Variants in LSM12 observed in about 807,000 individuals in gnomAD.
LSM12 encodes the protein LSM12 homolog.
For missense variants in LSM12, 108 were observed against 238.9 expected, an observed-to-expected ratio of 0.45 and a Z score of 3.61; for synonymous variants, 74 against 87.3, an observed-to-expected ratio of 0.85 and a Z score of 0.85.
At position 44,042,917 on chromosome 17, in the gene LSM12, G is replaced by A. The variant is rs550070118; in HGVS notation, c.259-2661C>T. 1.1e-3 allele frequency among the ~76,000 whole-genome samples: 163 copies of A among 151,302 alleles called. 4 individuals are homozygous for A. In the South Asian group the frequency reaches 0.016, roughly 15 times the overall value. On this transcript the variant is annotated intron_variant, in intron 2 of 4. Transcript: ENST00000293406. Reference sequence around the variant, plus strand: ...AGGATTTCACCATGTTGGCCAGGCCGGTCTTGAACTCCTGAGCTCAGGTGA... The same window carrying A: ...AGGATTTCACCATGTTGGCCAGGCCAGTCTTGAACTCCTGAGCTCAGGTGA...
chr17:44,049,109 T>C (rs971599735), intron 2 of LSM12, among the ~76,000 whole-genome samples: 11 of 152,094 alleles, frequency 7.2e-5, no homozygotes, highest in South Asian at 2.1e-4. Flanking sequence ...GACAATCACT[T>C]GAACCCGGGA....
chr17:44,055,596 T>TAAA (rs1196483360), intron 2 of LSM12, among the ~76,000 whole-genome samples: 2 of 149,274 alleles, frequency 1.3e-5, no homozygotes, highest in Non-Finnish European at 3.0e-5. Context: ...AGAATTACTT[T>TAAA]AGCACAGGAG....
At chr17:44,063,481 A>G (rs1274912459) in intron 2 of LSM12, among the ~76,000 whole-genome samples, 1 of 152,106 alleles carries the variant, frequency 6.6e-6, no homozygotes, top group Non-Finnish European at 1.5e-5. Context: ...CAATTTGAAG[A>G]CATTCATAGG....
intron 3 of LSM12, 114 bp from the exon 4 acceptor site, chr17:44,037,652 G>T: frequency 1.6e-6 from 2 of 1,290,126 alleles, no homozygotes; most frequent in Non-Finnish European, 1.0e-6. Flanking sequence ...TCACCACTCA[G>T]CCAACAACTA....
intron 2 of LSM12, among the ~76,000 whole-genome samples, chr17:44,048,431 G>A (rs55814322): frequency 2.9e-3 from 431 of 148,866 alleles, no homozygotes; most frequent in Non-Finnish European, 5.0e-3. Context: ...TCAGTTAGCC[G>A]AGCTTGCACC....
At chr17:44,053,182 G>A (rs899229656) in intron 2 of LSM12, among the ~76,000 whole-genome samples, 13 of 152,084 alleles carry the variant, frequency 8.5e-5, no homozygotes, top group Admixed American at 6.6e-5. Context: ...TCTATACCAA[G>A]GGTTGGCAAA....
rs1446904196 is a variant in LSM12 at position 44,035,684 on chromosome 17, A to AG, written c.*523_*524insC. 2.2e-5 allele frequency: 3 copies of AG among 134,640 alleles called. No individual in the cohort carries two copies. The highest frequency in any genetic ancestry group is 4.8e-5 in the Non-Finnish European group (3 of 62,242). The allele number at this position is 134,640 out of a possible 1,614,324, so 8.3% of individuals were successfully genotyped here. A position where few individuals can be genotyped will look rare whatever the true frequency, so the allele number is the denominator to read the frequency against. ...TTCAAGCCATGCCCTGTGCAAAAAA[A>AG]AAAAAAAAAAGAAAAAAGAAAAAAA... is the stretch of plus-strand genomic sequence containing the variant. On this transcript the variant is annotated 3_prime_UTR_variant, in exon 5 of 5. Coordinates refer to ENST00000293406, the MANE Select transcript of LSM12 (RefSeq NM_001371445.1).
intron 2 of LSM12, among the ~76,000 whole-genome samples, chr17:44,057,615 C>G (rs1311087504): frequency 2.6e-5 from 4 of 150,994 alleles, no homozygotes; most frequent in African/African-American, 9.7e-5. Context: ...CAAAAATTAG[C>G]CAGCTGTGGT....
intron 2 of LSM12, among the ~76,000 whole-genome samples, chr17:44,048,266 G>C (rs929613144): frequency 6.6e-6 from 1 of 151,996 alleles, no homozygotes; most frequent in South Asian, 2.1e-4. Flanking sequence ...CAGATCACTT[G>C]AGCCCAGGAG....
intron 2 of LSM12, among the ~76,000 whole-genome samples, chr17:44,046,288 T>C (rs938512444): frequency 6.6e-6 from 1 of 152,248 alleles, no homozygotes; most frequent in Non-Finnish European, 1.5e-5. Context: ...GTAAAAAGTC[T>C]CTGTGTGTGG....
intron 2 of LSM12, among the ~76,000 whole-genome samples, chr17:44,061,643 C>G (rs1323413152): frequency 2.6e-5 from 4 of 152,176 alleles, no homozygotes; most frequent in Non-Finnish European, 1.5e-5. Flanking sequence ...ATTTTAGTTG[C>G]CTAAGTGTTT....
intron 2 of LSM12, among the ~76,000 whole-genome samples, chr17:44,046,479 G>A (rs1285035219): frequency 3.3e-5 from 5 of 150,902 alleles, no homozygotes; most frequent in African/African-American, 4.9e-5. Flanking sequence ...AGGCCGAGGC[G>A]GATGGATCAC....
chr17:44,049,172 C>T (rs1388781317), intron 2 of LSM12, among the ~76,000 whole-genome samples: 3 of 152,172 alleles, frequency 2.0e-5, no homozygotes, highest in Non-Finnish European at 4.4e-5. Flanking sequence ...GCCTGTGTGA[C>T]AGAGACTCTG....
At chr17:44,058,119 C>T (rs892658548) in intron 2 of LSM12, among the ~76,000 whole-genome samples, 2 of 151,718 alleles carry the variant, frequency 1.3e-5, no homozygotes, top group African/African-American at 2.4e-5. Flanking sequence ...CGCCTGTAGT[C>T]CCAGCTACTC....
At chr17:44,066,242 C>G (rs971601903) in intron 1 of LSM12, among the ~76,000 whole-genome samples, 3 of 151,972 alleles carry the variant, frequency 2.0e-5, no homozygotes, top group African/African-American at 4.8e-5. Flanking sequence ...CTCGGTAAAG[C>G]CCCAGCTCCC....
intron 2 of LSM12, among the ~76,000 whole-genome samples, chr17:44,043,354 T>G (rs908476311): frequency 3.3e-5 from 5 of 152,190 alleles, no homozygotes; most frequent in African/African-American, 1.2e-4. Flanking sequence ...TGGCTGCCAT[T>G]CTGGCCCTAC....
chr17:44,040,627 A>G (rs1051719043), intron 2 of LSM12, among the ~76,000 whole-genome samples: 6 of 152,084 alleles, frequency 3.9e-5, no homozygotes, highest in Non-Finnish European at 8.8e-5. Context: ...TTAACATTAT[A>G]GAGTGTGGCT....
At chr17:44,055,742 TA>T (rs982326259) in intron 2 of LSM12, among the ~76,000 whole-genome samples, 4 of 145,482 alleles carry the variant, frequency 2.7e-5, no homozygotes, top group African/African-American at 1.0e-4. Flanking sequence ...ATATATATAA[TA>T]TATGTGTATA....
At chr17:44,060,384 G>A (rs967318041) in intron 2 of LSM12, among the ~76,000 whole-genome samples, 6 of 152,080 alleles carry the variant, frequency 3.9e-5, no homozygotes, top group East Asian at 1.9e-4. Flanking sequence ...ATAGCTGCCC[G>A]AAATAGCTGT....
Sources: gnomAD v4.1 joint callset for allele counts (sites outside exome capture counted in the v4.1 genomes callset) on GRCh38, gnomAD v4.1.1 for gene constraint, MANE v1.5 for transcripts, NCBI Gene and HGNC (gene_info 2026-07-23, HGNC 2026-07-21) for gene names.